Variants in PRDM6 observed in about 807,000 individuals in gnomAD.
PRDM6 encodes the protein PR/SET domain 6, also known as putative histone-lysine N-methyltransferase PRDM6.
A neutral mutation model predicts 60.8 loss-of-function variants in PRDM6; 25 were observed. The observed-to-expected ratio is 0.41, with a 90% CI of 0.30 to 0.57. The LOEUF (loss-of-function observed/expected upper bound fraction) is 0.57, where lower values mean the gene tolerates loss of function less well. Ranked by LOEUF, PRDM6 falls within the 20% of genes least tolerant of loss-of-function variation. The pLI is 0.27. For missense variants in PRDM6, 839 were observed against 821.3 expected (o/e 1.02, Z -0.26); for synonymous variants, 407 against 357.4 (o/e 1.14, Z -1.57).
At chr5:123,136,083 C>T (rs888576564) in intron 3 of PRDM6, among the ~76,000 whole-genome samples, 7 of 152,294 alleles carry the variant, frequency 4.6e-5, no homozygotes, top group Admixed American at 2.6e-4. Flanking sequence ...TTCTGCTAGA[C>T]GTGCATGGGT....
chr5:123,123,923 G>A lies in PRDM6; in HGVS notation c.900+23962G>A, dbSNP rs1286180468. Among the ~76,000 whole-genome samples, 6 of 152,210 alleles carry A rather than the reference G, an allele frequency of 3.9e-5. No individual in the cohort carries two copies. The South Asian group carries it at 1.0e-3, about 26-fold the overall frequency. On this transcript the variant is annotated intron_variant, in intron 3 of 7. Transcript: ENST00000407847. Reference sequence around the variant, plus strand: ...GCTGAGGTATGGGTGGAGAAAGGGAGAGCTGGGGTATTTGAATATTCTGAA... The same window carrying A: ...GCTGAGGTATGGGTGGAGAAAGGGAAAGCTGGGGTATTTGAATATTCTGAA...
rs1240239669 is a variant in PRDM6 at position 123,189,866 on chromosome 5, G to T, written c.*2665G>T. ...TGAAGCAGGTACTGAGATCATTTGG[G>T]TCCAAAATGATTTTAATCTAAGTGT... On this transcript the variant is annotated 3_prime_UTR_variant, in exon 8 of 8. Transcript: ENST00000407847. 1 of 152,180 alleles carries T rather than the reference G, an allele frequency of 6.6e-6. No individual in the cohort carries two copies. The highest frequency in any genetic ancestry group is 1.5e-5 in the Non-Finnish European group (1 of 68,032). The allele number at this position is 152,180 out of a possible 1,614,324, so 9.4% of individuals were successfully genotyped here. A position where few individuals can be genotyped will look rare whatever the true frequency, so the allele number is the denominator to read the frequency against.
chr5:123,142,877 CAAAAAA>C, intron 3 of PRDM6, among the ~76,000 whole-genome samples: 1 of 27,370 alleles, frequency 3.7e-5, no homozygotes, highest in African/African-American at 1.7e-4. Context: ...CAGTGAAGAC[CAAAAAA>C]AAAAAAAAAA....
chr5:123,107,098 G>T (rs749499575), intron 3 of PRDM6, among the ~76,000 whole-genome samples: 4 of 152,174 alleles, frequency 2.6e-5, no homozygotes, highest in South Asian at 2.1e-4. Flanking sequence ...TGTTTTAAAG[G>T]TTACATCATT....
In PRDM6 at chr5:123,168,412, A is replaced by C. The variant is rs560148357; in HGVS notation, c.1154-2354A>C. Among the ~76,000 whole-genome samples the C allele has an allele frequency of 2.3e-4, 35 of 152,332 alleles. No individual in the cohort carries two copies. The South Asian group carries it at 6.2e-3, about 27-fold the overall frequency. On this transcript the variant is annotated intron_variant, in intron 5 of 7. Coordinates refer to ENST00000407847, the MANE Select transcript of PRDM6 (RefSeq NM_001136239.4). ...GGTCAGAAAAAAAAAATTCTGTCTT[A>C]TAAGTCTGAAAGCTAAAACTTGCCA...
chr5:123,145,735 AAT>A (rs36032862), intron 3 of PRDM6, among the ~76,000 whole-genome samples: 60,652 of 151,984 alleles, frequency 0.4, 12,165 homozygotes, highest in East Asian at 0.6. Flanking sequence ...AAGATCTAAA[AAT>A]ATGTTTTCTG....
At chr5:123,115,849 C>G (rs975490088) in intron 3 of PRDM6, among the ~76,000 whole-genome samples, 2 of 152,130 alleles carry the variant, frequency 1.3e-5, no homozygotes, top group Admixed American at 1.3e-4. Flanking sequence ...CTCCTCCTTT[C>G]CCTGATCCCT....
intron 6 of PRDM6, chr5:123,173,258 G>A (rs7715941): frequency 0.3 from 45,822 of 153,830 alleles, 7,142 homozygotes; most frequent in East Asian, 0.59. Context: ...GTCATAATTC[G>A]TAATATACTT....
rs200667727 is a variant in PRDM6, at chr5:123,170,913, A to G, written c.1301A>G (p.Asp434Gly). The change falls in exon 6 of 8, where the codon GAT becomes GGT. Residue 434 changes from aspartate (D) to glycine (G), a missense_variant. This residue lies in a region of PRDM6 where 730 missense variants were observed against 648.8 expected (regional missense o/e 1.13). Transcript: ENST00000407847. Reference sequence around the variant, plus strand: ...TGCAGCAGGAACTTCTCTCTTCTGGATAAGTCTGGGCCCATTGAATCAGGA... The same window carrying G: ...TGCAGCAGGAACTTCTCTCTTCTGGGTAAGTCTGGGCCCATTGAATCAGGA... ...TPCSRNFSLL[D>G]KSGPIESGFN... is the part of the protein sequence containing the mutation. 1.3e-6 allele frequency: 2 copies of G among 1,552,090 alleles called. No homozygotes were observed. The highest frequency in any genetic ancestry group is 1.7e-6 in the Non-Finnish European group (2 of 1,147,070).
chr5:123,182,471 A>G (rs534970209), intron 7 of PRDM6, among the ~76,000 whole-genome samples: 14 of 152,310 alleles, frequency 9.2e-5, no homozygotes, highest in Admixed American at 8.5e-4. Context: ...GATTTTAGTA[A>G]TTAATTGAAG....
chr5:123,098,440 C>T (rs937290254), intron 2 of PRDM6, among the ~76,000 whole-genome samples: 1 of 152,244 alleles, frequency 6.6e-6, no homozygotes, highest in African/African-American at 2.4e-5. Flanking sequence ...GAGGCGCAGA[C>T]ACGGCGGCTC....
intron 4 of PRDM6, among the ~76,000 whole-genome samples, chr5:123,157,959 A>G (rs1358214751): frequency 6.6e-6 from 1 of 152,236 alleles, no homozygotes; most frequent in African/African-American, 2.4e-5. Flanking sequence ...CAGCAAAGGA[A>G]ATATTATCTG....
At chr5:123,175,369 G>A (rs73799837) in intron 6 of PRDM6, among the ~76,000 whole-genome samples, 17,956 of 152,158 alleles carry the variant, frequency 0.12, 1,324 homozygotes, top group African/African-American at 0.21. Context: ...GTTTGTAAGA[G>A]ATGTGGTGGG....
intron 3 of PRDM6, among the ~76,000 whole-genome samples, chr5:123,109,529 ATTAC>A (rs1448213245): frequency 6.6e-6 from 1 of 152,206 alleles, no homozygotes; most frequent in Non-Finnish European, 1.5e-5. Context: ...TTTGGATTTA[ATTAC>A]TTACTAAAAA....
At position 123,192,702 on chromosome 5, in the gene PRDM6, G is replaced by A. The variant is rs990846764; in HGVS notation, c.*5501G>A. 5.3e-5 allele frequency: 8 copies of A among 152,202 alleles called. No homozygotes were observed. The highest frequency in any genetic ancestry group is 1.9e-4 in the African/African-American group (8 of 41,458). 9.4% of individuals were successfully genotyped at this position (152,202 alleles called of 1,614,324 possible). Reference sequence around the variant, plus strand: ...AGGTTGTGTTGGAGGGTGGCCAGAAGAGAATAAGGTTCGAACACTATCGAC... The same window carrying A: ...AGGTTGTGTTGGAGGGTGGCCAGAAAAGAATAAGGTTCGAACACTATCGAC... On this transcript the variant is annotated 3_prime_UTR_variant, in exon 8 of 8. Coordinates refer to ENST00000407847, the MANE Select transcript of PRDM6 (RefSeq NM_001136239.4).
At chr5:123,144,807 A>G (rs1490829348) in intron 3 of PRDM6, among the ~76,000 whole-genome samples, 1 of 152,138 alleles carries the variant, frequency 6.6e-6, no homozygotes, top group Non-Finnish European at 1.5e-5. Context: ...CCCAGGGCAT[A>G]CTCAACTCTG....
At chr5:123,123,297 G>A (rs1245041559) in intron 3 of PRDM6, among the ~76,000 whole-genome samples, 1 of 152,184 alleles carries the variant, frequency 6.6e-6, no homozygotes, top group African/African-American at 2.4e-5. Flanking sequence ...TAAGGATCCA[G>A]TATTTGGCCC....
rs1763789671 is a variant in PRDM6 at position 123,090,241 on chromosome 5, T to C, written c.227T>C (p.Leu76Pro). The change falls in exon 2 of 8, where the codon CTC becomes CCC. Residue 76 changes from leucine to proline, a missense_variant. This residue lies in a region of PRDM6 where 730 missense variants were observed against 648.8 expected (regional missense o/e 1.13). Transcript: ENST00000407847. The part of the protein sequence containing the change: ...PDSLRPRPAS[L>P]SSASSTPASS... ...AGCCTGCGCCCGCGGCCCGCCTCTCTCTCCTCCGCCTCGTCCACGCCGGCT... is the reference window on the plus strand; with the variant it reads ...AGCCTGCGCCCGCGGCCCGCCTCTCCCTCCTCCGCCTCGTCCACGCCGGCT... The C allele has an allele frequency of 6.8e-7, 1 of 1,479,250 alleles. No homozygotes were observed. The highest frequency in any genetic ancestry group is 2.4e-4 in the Middle Eastern group (1 of 4,226). The allele number at this position is 1,479,250 out of a possible 1,614,324, so 91.6% of individuals were successfully genotyped here.
chr5:123,128,798 T>C (rs377279758), intron 3 of PRDM6, among the ~76,000 whole-genome samples: 2 of 152,210 alleles, frequency 1.3e-5, no homozygotes, highest in South Asian at 2.1e-4. Flanking sequence ...ATTTTGGCTT[T>C]TGTTGCCATT....
Sources: gnomAD v4.1 joint callset for allele counts (sites outside exome capture counted in the v4.1 genomes callset) on GRCh38, gnomAD v4.1.1 for gene constraint, gnomAD v4.1.1 regional missense constraint, MANE v1.5 for transcripts, NCBI Gene and HGNC (gene_info 2026-07-23, HGNC 2026-07-21) for gene names.